The following MYO18B variants were observed in gnomAD, a reference collection of about 807,000 sequenced individuals.
MYO18B encodes the protein myosin XVIIIB.
A neutral mutation model predicts 273.0 loss-of-function variants in MYO18B; 204 were observed. The ratio of observed to expected loss-of-function variants is 0.75; its 90% CI spans 0.67 to 0.84. The LOEUF (loss-of-function observed/expected upper bound fraction) is 0.84, where lower values mean the gene tolerates loss of function less well. Among genes scored for constraint, MYO18B ranks in the 40% least tolerant of loss-of-function variants. The pLI, the probability that MYO18B is intolerant of heterozygous loss-of-function variation, is 0.00. For synonymous variants in MYO18B, 1,330 were observed against 1,305.7 expected (o/e 1.02, Z -0.40); for missense variants, 3,212 against 3,287.6 (o/e 0.98, Z 0.56).
chr22:25,972,342 C>A (rs1158456247), intron 39 of MYO18B, among the ~76,000 whole-genome samples: 2 of 152,076 alleles, frequency 1.3e-5, no homozygotes, highest in African/African-American at 4.8e-5. Context: ...TTATGTATAG[C>A]TTGTATTTAC....
chr22:25,807,746 G>A (rs543958174), intron 12 of MYO18B, among the ~76,000 whole-genome samples: 3 of 152,192 alleles, frequency 2.0e-5, no homozygotes, highest in East Asian at 3.9e-4. Context: ...AAGGATGAGC[G>A]AAACCAAATT....
rs373200227 is a variant in MYO18B, at chr22:25,847,460, C to T, written c.3583C>T (p.Arg1195Trp). Residue 1195 changes from arginine to tryptophan, a missense_variant, in exon 20 of 44, where the codon CGG (arginine) becomes TGG (tryptophan). Arg to Trp is a moderately radical substitution (Grantham distance 101, BLOSUM62 -3). Transcript: ENST00000335473. The part of the protein sequence containing the change: ...DALTSMIKRS[R>W]LHFIHCLVPN... ...GCTGACCAGCATGATCAAAAGGTCC[C>T]GGCTGCACTTTATCCACTGCCTGGT... The T allele has an allele frequency of 2.0e-5, 32 of 1,576,474 alleles. No homozygotes were observed. The highest frequency in any genetic ancestry group is 5.5e-5 in the Admixed American group (3 of 54,738).
chr22:26,060,094 G>A, the MYO18B span, among the ~76,000 whole-genome samples: 21 of 152,326 alleles, frequency 1.4e-4, no homozygotes, highest in East Asian at 3.9e-3. Flanking sequence ...TAAAGCATTC[G>A]TACATCCCCA....
chr22:25,744,255 T>C (rs1241720922), intron 1 of MYO18B, among the ~76,000 whole-genome samples: 1 of 152,118 alleles, frequency 6.6e-6, no homozygotes, highest in East Asian at 1.9e-4. Flanking sequence ...GAGGTGGGAA[T>C]GGAGGGCCCC....
At chr22:25,826,579 AG>A in intron 14 of MYO18B, 80 bp downstream of exon 14, 1 of 1,323,080 alleles carries the variant, frequency 7.6e-7, no homozygotes, top group Non-Finnish European at 1.1e-6. Flanking sequence ...AGTTGAACAA[AG>A]TGGCAGTTTT....
At chr22:25,859,823 A>G (rs917238601) in intron 21 of MYO18B, among the ~76,000 whole-genome samples, 8 of 152,168 alleles carry the variant, frequency 5.3e-5, no homozygotes, top group African/African-American at 1.9e-4. Flanking sequence ...TTTCATTTTC[A>G]TAATGATGCA....
chr22:26,025,803 G>A (rs370589375), intron 42 of MYO18B, among the ~76,000 whole-genome samples: 3 of 152,192 alleles, frequency 2.0e-5, no homozygotes, highest in African/African-American at 7.2e-5. Context: ...TGGCGCTGCT[G>A]CCACAAACTC....
intron 11 of MYO18B, among the ~76,000 whole-genome samples, chr22:25,789,083 TTCCTCCTCCTTCTTCTTCCTCC>T (rs750834909): frequency 0.57 from 81,521 of 142,970 alleles, 25,660 homozygotes; most frequent in Non-Finnish European, 0.68. Context: ...CTCCTTCTTC[TTCCTCCTCCTTCTTCTTCCTCC>T]TCCTCCTCCT....
At chr22:25,945,233 C>G (rs1446665404) in intron 34 of MYO18B, among the ~76,000 whole-genome samples, 1 of 152,156 alleles carries the variant, frequency 6.6e-6, no homozygotes, top group Non-Finnish European at 1.5e-5. Context: ...GAAACTTCCA[C>G]TTGGCTGGTT....
At chr22:25,755,481 C>T (rs1165949596) in intron 1 of MYO18B, among the ~76,000 whole-genome samples, 1 of 152,248 alleles carries the variant, frequency 6.6e-6, no homozygotes, top group Non-Finnish European at 1.5e-5. Flanking sequence ...GTTGGAGTTA[C>T]AGGCGTGAGC....
intron 1 of MYO18B, among the ~76,000 whole-genome samples, chr22:25,744,011 CT>C: frequency 6.6e-6 from 1 of 152,264 alleles, no homozygotes; most frequent in East Asian, 1.9e-4. Flanking sequence ...GATTTTAAAC[CT>C]CACAGGTGGT....
chr22:25,859,451 G>A (rs1246172681), intron 21 of MYO18B, among the ~76,000 whole-genome samples: 1 of 152,130 alleles, frequency 6.6e-6, no homozygotes, highest in Non-Finnish European at 1.5e-5. Flanking sequence ...TAAAGAAACT[G>A]TCAAGTTATT....
intron 39 of MYO18B, among the ~76,000 whole-genome samples, chr22:25,976,902 A>T (rs888451169): frequency 2.0e-5 from 3 of 152,180 alleles, no homozygotes; most frequent in African/African-American, 7.2e-5. Context: ...AGGTGACGGG[A>T]TATGCCTGAA....
chr22:25,843,661 G>A lies in MYO18B; in HGVS notation c.3209-74G>A, dbSNP rs183117538. The A allele has an allele frequency of 1.2e-4, 181 of 1,502,856 alleles. 1 individual carries two copies. In the Admixed American group the frequency reaches 2.5e-3, roughly 21 times the overall value. The allele number at this position is 1,502,856 out of a possible 1,614,324, so 93.1% of individuals were successfully genotyped here. On this transcript the variant is annotated intron_variant, in intron 17 of 43. Coordinates refer to ENST00000335473, the MANE Select transcript of MYO18B (RefSeq NM_032608.7). Reference sequence around the variant, plus strand: ...AAACACGTTAAGATGGATACTGTGCGTTTAAGGGATGCCAGCTGATTGCAG... The same window carrying A: ...AAACACGTTAAGATGGATACTGTGCATTTAAGGGATGCCAGCTGATTGCAG...
intron 28 of MYO18B, 179 bp downstream of exon 28, chr22:25,895,459 A>T (rs2146304643): frequency 1.5e-6 from 1 of 680,550 alleles, no homozygotes; most frequent in East Asian, 2.8e-5. Flanking sequence ...GACATGAAAA[A>T]TATTGTCTGT....
chr22:25,887,586 T>C (rs1236472121), intron 25 of MYO18B, among the ~76,000 whole-genome samples: 3 of 152,180 alleles, frequency 2.0e-5, no homozygotes, highest in Non-Finnish European at 4.4e-5. Flanking sequence ...AGGACTCTTC[T>C]GGGTTTGCAA....
intron 12 of MYO18B, among the ~76,000 whole-genome samples, chr22:25,813,672 A>G (rs551375909): frequency 1.4e-4 from 22 of 152,318 alleles, no homozygotes; most frequent in African/African-American, 5.1e-4. Context: ...TTCTCAATGC[A>G]AGGCCTAGGG....
At chr22:25,853,646 G>A (rs1268317168) in intron 21 of MYO18B, among the ~76,000 whole-genome samples, 1 of 152,176 alleles carries the variant, frequency 6.6e-6, no homozygotes, top group Non-Finnish European at 1.5e-5. Flanking sequence ...AAATGGTGCA[G>A]GAGTCAGGTG....
intron 12 of MYO18B, among the ~76,000 whole-genome samples, chr22:25,810,120 CAG>C (rs2088674162): frequency 7.5e-6 from 1 of 132,900 alleles, no homozygotes; most frequent in African/African-American, 2.8e-5. Flanking sequence ...TTTTTTGAGA[CAG>C]AGTCTTGCTC....
Sources: gnomAD v4.1 joint callset for allele counts (sites outside exome capture counted in the v4.1 genomes callset) on GRCh38, gnomAD v4.1.1 for gene constraint, MANE v1.5 for transcripts, NCBI Gene and HGNC (gene_info 2026-07-23, HGNC 2026-07-21) for gene names.